Variants in CATSPER1 observed in about 807,000 individuals in gnomAD.
CATSPER1 encodes cation channel sperm associated 1.
Under a neutral mutation model 72.7 loss-of-function variants are expected in CATSPER1, and 57 were observed. The observed-to-expected ratio is 0.78, with a 90% CI of 0.63 to 0.98. The LOEUF (loss-of-function observed/expected upper bound fraction) is 0.98. CATSPER1 is among the 50% of genes least tolerant of loss of function. The pLI is 0.00. For synonymous variants in CATSPER1, 363 were observed against 403.0 expected, an observed-to-expected ratio of 0.90 and a Z score of 1.19; for missense variants, 910 against 1,033.9, an observed-to-expected ratio of 0.88 and a Z score of 1.64.
At chr11:66,019,261 G>A (rs1022902602) in intron 9 of CATSPER1, among the ~76,000 whole-genome samples, 13 of 151,808 alleles carry the variant, frequency 8.6e-5, no homozygotes, top group Non-Finnish European at 1.5e-5. Context: ...ACTTAGGCCT[G>A]GCCAATTAGA....
At position 66,018,858 on chromosome 11, in the gene CATSPER1, T is replaced by C; in HGVS notation, c.2170A>G (p.Ile724Val). The C allele has an allele frequency of 1.2e-6, 2 of 1,613,968 alleles. No homozygotes were observed. Among genetic ancestry groups the C allele is most frequent in the Non-Finnish European group, 1.7e-6 (2 of 1,179,998 alleles). The change falls in exon 10 of 12, where the codon ATC becomes GTC. Residue 724 changes from isoleucine (I) to valine (V), a missense_variant. Ile to Val is a conservative substitution (Grantham distance 29, BLOSUM62 3). Transcript: ENST00000312106. ...GTCATGGTCCCAAACTTTTTCTCGA[T>C]GAGCCGCTTCAGCATGGTGCCTTCA... is the stretch of plus-strand genomic sequence containing the variant. ...ASEGTMLKRL[I>V]EKKFGTMTEK...
chr11:66,018,715 G>T, intron 10 of CATSPER1, 112 bp downstream of exon 10: 2 of 1,190,494 alleles, frequency 1.7e-6, no homozygotes, highest in East Asian at 2.4e-5. Flanking sequence ...AAGCCTCAGC[G>T]CTCCATCCCC....
chr11:66,023,074 G>A lies in CATSPER1; in HGVS notation c.1217-13C>T, dbSNP rs772889889. 3.7e-6 allele frequency: 6 copies of A among 1,611,782 alleles called. No homozygotes were observed. The African/African-American group carries it at 5.3e-5, about 14-fold the overall frequency. On this transcript the variant is annotated splice_polypyrimidine_tract_variant and intron_variant, in intron 1 of 11. Coordinates refer to ENST00000312106, the MANE Select transcript of CATSPER1 (RefSeq NM_053054.4). ...TGGAGCCGGCCGGCTGAAAGGAACA[G>A]GGCCAGAAAGTCAAGTGTGTGCAAG... is the stretch of plus-strand genomic sequence containing the variant.
chr11:66,021,263 C>A, intron 4 of CATSPER1, 78 bp from the exon 5 acceptor site: 2 of 1,433,108 alleles, frequency 1.4e-6, no homozygotes, highest in Non-Finnish European at 1.9e-6. Context: ...CCACAGCTGG[C>A]GCTGAAGGCA....
In CATSPER1 at chr11:66,020,261, T is replaced by C; in HGVS notation, c.2064+56A>G. ...AGGCCTGCTCAACCCTGGAGGCCCCTGGCCTCACTCCTCCAGCTTCCTGAT... is the reference window on the plus strand; with the variant it reads ...AGGCCTGCTCAACCCTGGAGGCCCCCGGCCTCACTCCTCCAGCTTCCTGAT... On this transcript the variant is annotated intron_variant, in intron 8 of 11. Coordinates refer to ENST00000312106, the MANE Select transcript of CATSPER1 (RefSeq NM_053054.4). The surrounding 1 kb of genome is among the most constrained non-coding windows in gnomAD (Gnocchi z 4.5). 15 of 1,613,114 alleles carry C rather than the reference T, an allele frequency of 9.3e-6. No individual in the cohort carries two copies. Among genetic ancestry groups the C allele is most frequent in the Non-Finnish European group, 1.3e-5 (15 of 1,179,046 alleles).
At position 66,020,137 on chromosome 11, in the gene CATSPER1, T is replaced by C; in HGVS notation, c.2125+3A>G. 1.9e-6 allele frequency: 3 copies of C among 1,613,104 alleles called. No homozygotes were observed. Among genetic ancestry groups the C allele is most frequent in the Non-Finnish European group, 2.5e-6 (3 of 1,180,016 alleles). ...GTGGGGCCAGGGCGGGCCAGGCCCA[T>C]ACCTGCAGCTCTGAGCTCCGTCAGT... On this transcript the variant is annotated splice_donor_region_variant and intron_variant, in intron 9 of 11. Transcript: ENST00000312106. This position sits in a 1 kb window ranked among gnomAD's most constrained non-coding sequence, Gnocchi z 4.5.
chr11:66,018,345 C>T (rs1440258294), intron 10 of CATSPER1, among the ~76,000 whole-genome samples: 1 of 152,170 alleles, frequency 6.6e-6, no homozygotes, highest in Non-Finnish European at 1.5e-5. Context: ...CCCCAGATGT[C>T]CTGGCCCAGC....
chr11:66,026,387 C>T lies in CATSPER1; in HGVS notation c.-8G>A, dbSNP rs948477. The T allele has an allele frequency of 2.6e-3, 4,097 of 1,605,584 alleles. 76 individuals are homozygous for T. In the African/African-American group the frequency reaches 0.048, roughly 19 times the overall value. On this transcript the variant is annotated 5_prime_UTR_variant, in exon 1 of 12. Transcript: ENST00000312106. The stretch of plus-strand genomic sequence containing the variant: ...CACTGAGTTTTGATCCATGACTGTG[C>T]TGGGAACTCTGGAGCCAAAAGAGCT...
rs1198069495 is a variant in CATSPER1, at chr11:66,020,207, A to G, written c.2065-7T>C. On this transcript the variant is annotated splice_polypyrimidine_tract_variant and splice_region_variant and intron_variant, in intron 8 of 11. Transcript: ENST00000312106. The surrounding 1 kb of genome is among the most constrained non-coding windows in gnomAD (Gnocchi z 4.5). ...CTTGGATCCGGGCGGCCCTCTGGGAAGAAGAGGCCTCAGATCTGCCAGAGT... is the reference window on the plus strand; with the variant it reads ...CTTGGATCCGGGCGGCCCTCTGGGAGGAAGAGGCCTCAGATCTGCCAGAGT... The G allele has an allele frequency of 1.9e-6, 3 of 1,613,948 alleles. No homozygotes were observed. The highest frequency in any genetic ancestry group is 2.7e-5 in the African/African-American group (2 of 75,050).
intron 1 of CATSPER1, among the ~76,000 whole-genome samples, chr11:66,023,528 C>A (rs1212705337): frequency 6.6e-6 from 1 of 152,106 alleles, no homozygotes; most frequent in African/African-American, 2.4e-5. Context: ...TGCTCTATGT[C>A]TCAGTTTTGT....
intron 1 of CATSPER1, among the ~76,000 whole-genome samples, chr11:66,024,346 C>T (rs995716586): frequency 6.7e-6 from 1 of 148,778 alleles, no homozygotes; most frequent in Non-Finnish European, 1.5e-5. Flanking sequence ...GGCACGATCT[C>T]GGCTCACTGC....
chr11:66,021,955 A>G (rs545608309), intron 2 of CATSPER1, 76 bp from the exon 3 acceptor site: 8 of 1,118,524 alleles, frequency 7.2e-6, no homozygotes, highest in African/African-American at 4.6e-5. Flanking sequence ...TTAGCCTCAC[A>G]CAAGCCCAGA....
At position 66,025,881 on chromosome 11, in the gene CATSPER1, G is replaced by A; in HGVS notation, c.499C>T (p.Pro167Ser). Residue 167 changes from proline (P) to serine (S), a missense_variant, in exon 1 of 12, where the codon CCC becomes TCC. Transcript: ENST00000312106. ...TGGTGGGAAGCCTCACCGTGGTGGG[G>A]CACGCCAGAGGAATAGTGGGATAAA... ...ENLSHYSSGV[P>S]HHGEASHHGG... 1.2e-6 allele frequency: 2 copies of A among 1,613,698 alleles called. No individual in the cohort carries two copies. The highest frequency in any genetic ancestry group is 1.7e-6 in the Non-Finnish European group (2 of 1,179,912).
rs927473603 is a variant in CATSPER1, at chr11:66,020,457, G to T, written c.1992-68C>A. ...AGGAGAGGGGCACCCGGTACTTCTTGTGGGTTCAGCGTGGCATGACCAGGG... is the reference window on the plus strand; with the variant it reads ...AGGAGAGGGGCACCCGGTACTTCTTTTGGGTTCAGCGTGGCATGACCAGGG... On this transcript the variant is annotated intron_variant, in intron 7 of 11. Transcript: ENST00000312106. This position sits in a 1 kb window ranked among gnomAD's most constrained non-coding sequence, Gnocchi z 4.5. The T allele has an allele frequency of 3.7e-6, 6 of 1,606,448 alleles. No individual in the cohort carries two copies. The highest frequency in any genetic ancestry group is 5.1e-6 in the Non-Finnish European group (6 of 1,173,384).
rs759634697 is a variant in CATSPER1 at position 66,025,401 on chromosome 11, TAG to T, written c.977_978del (p.Ser326TyrfsTer124). The T allele has an allele frequency of 6.8e-6, 11 of 1,613,436 alleles. No individual in the cohort carries two copies. Among genetic ancestry groups the T allele is most frequent in the Admixed American group, 1.7e-5 (1 of 59,900 alleles). ...ATCAGGCTCCGGGATGTGTGTGGGATAGAGAGTTGGGAAGTGCTCTGGACGTA... is the reference window on the plus strand; with the variant it reads ...ATCAGGCTCCGGGATGTGTGTGGGATAGAGTTGGGAAGTGCTCTGGACGTA... ...GDYVQSTSQL[S>X]IPHTSRSLIH... On this transcript the variant is annotated frameshift_variant, in exon 1 of 12. Transcript: ENST00000312106. LOFTEE classifies it high-confidence loss of function.
intron 9 of CATSPER1, among the ~76,000 whole-genome samples, chr11:66,019,160 G>A (rs1195170432): frequency 6.6e-6 from 1 of 152,072 alleles, no homozygotes; most frequent in Non-Finnish European, 1.5e-5. Context: ...TTTGGCTGAG[G>A]TTAGCCCCAC....
At chr11:66,019,556 T>C (rs1783569) in intron 9 of CATSPER1, among the ~76,000 whole-genome samples, 114,241 of 151,698 alleles carry the variant, frequency 0.75, 44,182 homozygotes, top group Non-Finnish European at 0.84. Context: ...GGATTACAGG[T>C]GTAAGCCACC....
intron 2 of CATSPER1, among the ~76,000 whole-genome samples, chr11:66,022,616 T>G (rs2134994146): frequency 6.6e-6 from 1 of 152,354 alleles, no homozygotes; most frequent in African/African-American, 2.4e-5. Context: ...CGCTCCCTAG[T>G]GGCTGCGGCG....
At chr11:66,018,122 C>G (rs142066072) in intron 10 of CATSPER1, among the ~76,000 whole-genome samples, 3,409 of 150,966 alleles carry the variant, frequency 0.023, 98 homozygotes, top group African/African-American at 0.078. Context: ...GTGGGAGAAT[C>G]GCTTGAACCC....
Sources: gnomAD v4.1 joint callset for allele counts (sites outside exome capture counted in the v4.1 genomes callset) on GRCh38, gnomAD v4.1.1 for gene constraint, Gnocchi (gnomAD v3.1) non-coding constraint, MANE v1.5 for transcripts, NCBI Gene and HGNC (gene_info 2026-07-23, HGNC 2026-07-21) for gene names.